The following PSMA8 variants were observed in gnomAD, a reference collection of about 807,000 sequenced individuals.
PSMA8 encodes proteasome subunit alpha-type 8.
A neutral mutation model predicts 32.4 loss-of-function variants in PSMA8; 18 were observed. That is an observed-to-expected ratio of 0.56 (90% CI 0.38 to 0.82). The LOEUF is 0.82. PSMA8 is among the 40% of genes least tolerant of loss of function. PSMA8 has a pLI of 0.00. For synonymous variants in PSMA8, 104 were observed against 98.1 expected (o/e 1.06, Z -0.36); for missense variants, 298 against 300.7 (o/e 0.99, Z 0.07).
At chr18:26,146,045 T>A (rs898240556) in intron 2 of PSMA8, among the ~76,000 whole-genome samples, 1 of 152,224 alleles carries the variant, frequency 6.6e-6, no homozygotes, top group Non-Finnish European at 1.5e-5. Flanking sequence ...TTTTATATTC[T>A]TATACATGTG....
intron 4 of PSMA8, among the ~76,000 whole-genome samples, chr18:26,169,375 A>T (rs1466603269): frequency 7.5e-6 from 1 of 133,566 alleles, no homozygotes; most frequent in South Asian, 2.1e-4. Context: ...GCTACTTATA[A>T]CTTTAAAATA....
At chr18:26,182,392 A>T (rs1040708509) in intron 6 of PSMA8, among the ~76,000 whole-genome samples, 4 of 152,204 alleles carry the variant, frequency 2.6e-5, no homozygotes, top group African/African-American at 9.7e-5. Context: ...GGGATAATGC[A>T]GCTGGTAACT....
intron 1 of PSMA8, among the ~76,000 whole-genome samples, 167 bp downstream of exon 1, chr18:26,134,234 G>C (rs1460213788): frequency 1.3e-5 from 2 of 152,086 alleles, no homozygotes; most frequent in Admixed American, 6.6e-5. Flanking sequence ...TTCTAGATTT[G>C]GGCCGGAAGT....
rs2055050986 is a variant in PSMA8 at position 26,152,088 on chromosome 18, A to G, written c.354+106A>G. ...ACTCCAACCATGTAGTCTATTAAAT[A>G]TATTAAATTTCTTATTTCTCACACT... On this transcript the variant is annotated intron_variant, in intron 3 of 6. Transcript: ENST00000415576. 4 of 735,384 alleles carry G rather than the reference A, an allele frequency of 5.4e-6. No individual in the cohort carries two copies. In the African/African-American group the frequency reaches 5.5e-5, roughly 10 times the overall value. 45.6% of individuals were successfully genotyped at this position (735,384 alleles called of 1,614,324 possible). A position where few individuals can be genotyped will look rare whatever the true frequency, so the allele number is the denominator to read the frequency against.
intron 2 of PSMA8, among the ~76,000 whole-genome samples, chr18:26,146,595 C>CT (rs1276913729): frequency 4.0e-5 from 6 of 148,262 alleles, no homozygotes; most frequent in African/African-American, 1.5e-4. Context: ...GAAACTTCAT[C>CT]TCAAAAAAAA....
intron 1 of PSMA8, chr18:26,140,079 G>T (rs1359984002): frequency 1.4e-6 from 1 of 702,926 alleles, no homozygotes; most frequent in Non-Finnish European, 2.6e-6. Context: ...GATTCTTGTG[G>T]CCTGGCATGG....
intron 1 of PSMA8, among the ~76,000 whole-genome samples, chr18:26,134,345 G>GTGTGTGTGTGTGTGTGTGTCTC: frequency 7.6e-6 from 1 of 130,978 alleles, no homozygotes; most frequent in African/African-American, 4.2e-5. Flanking sequence ...GTGTGGGTGT[G>GTGTGTGTGTGTGTGTGTGTCTC]TGTGTGTGTG....
chr18:26,171,020 A>C lies in PSMA8; in HGVS notation c.478-7810A>C. 16 of 1,556,572 alleles carry C rather than the reference A, an allele frequency of 1.0e-5. 1 individual carries two copies. Among genetic ancestry groups the C allele is most frequent in the Non-Finnish European group, 1.4e-5 (16 of 1,167,782 alleles). On this transcript the variant is annotated intron_variant, in intron 4 of 6. Coordinates refer to ENST00000415576, the MANE Select transcript of PSMA8 (RefSeq NM_001025096.2). ...AGGCATCATCTAGACTTCTGGAAAG[A>C]AAATGAGCTCCTTGTGGAGGTTCCT...
chr18:26,187,579 G>A (rs114899298), intron 6 of PSMA8, among the ~76,000 whole-genome samples: 5,265 of 151,872 alleles, frequency 0.035, 131 homozygotes, highest in African/African-American at 0.069. Context: ...GAAAAAAAGA[G>A]ATGGAAAAAG....
chr18:26,166,822 T>TA (rs1351526104), intron 4 of PSMA8, among the ~76,000 whole-genome samples: 1 of 152,210 alleles, frequency 6.6e-6, no homozygotes, highest in African/African-American at 2.4e-5. Flanking sequence ...TTGCCAGTGA[T>TA]AAAATTCAAG....
intron 4 of PSMA8, among the ~76,000 whole-genome samples, chr18:26,176,486 C>T (rs1379833319): frequency 6.6e-6 from 1 of 152,090 alleles, no homozygotes; most frequent in African/African-American, 2.4e-5. Flanking sequence ...TTATATTAAT[C>T]CTCTGAAATA....
At chr18:26,191,675 G>A (rs1025465030) in intron 6 of PSMA8, among the ~76,000 whole-genome samples, 40 of 151,678 alleles carry the variant, frequency 2.6e-4, no homozygotes, top group Non-Finnish European at 1.0e-4. Context: ...GCCTGGTCTC[G>A]AACCCCTGAC....
chr18:26,135,910 G>A lies in PSMA8; in HGVS notation c.102+1843G>A, dbSNP rs141749270. 2.2e-3 allele frequency among the ~76,000 whole-genome samples: 330 copies of A among 152,306 alleles called. 3 individuals carry two copies. Among genetic ancestry groups the A allele is most frequent in the Non-Finnish European group, 3.6e-3 (245 of 68,012 alleles). ...GAAATTATAATTTGCATGTTTGCATGGAGTTATTCATTGTGTTTCCTTGAG... is the reference window on the plus strand; with the variant it reads ...GAAATTATAATTTGCATGTTTGCATAGAGTTATTCATTGTGTTTCCTTGAG... On this transcript the variant is annotated intron_variant, in intron 1 of 6. Transcript: ENST00000415576.
At chr18:26,186,563 C>G (rs1456375972) in intron 6 of PSMA8, among the ~76,000 whole-genome samples, 1 of 152,040 alleles carries the variant, frequency 6.6e-6, no homozygotes, top group African/African-American at 2.4e-5. Context: ...CTTGGCAATT[C>G]CAGTTGTATC....
chr18:26,174,124 A>G (rs1361812591), intron 4 of PSMA8, among the ~76,000 whole-genome samples: 3 of 152,200 alleles, frequency 2.0e-5, no homozygotes, highest in African/African-American at 7.2e-5. Context: ...TACAGCAAAC[A>G]CTAATCCTAT....
rs969826173 is a variant in PSMA8 at position 26,168,203 on chromosome 18, G to A, written c.477+9959G>A. On this transcript the variant is annotated intron_variant, in intron 4 of 6. Transcript: ENST00000415576. ...AGAGCAATGACTTTTAACTCTTTTA[G>A]CAATGTCTTCTGTTTTTTTCCTCAC... 8.7e-4 allele frequency among the ~76,000 whole-genome samples: 107 copies of A among 123,416 alleles called. 7 individuals carry two copies. Among genetic ancestry groups the A allele is most frequent in the Admixed American group, 5.1e-3 (65 of 12,650 alleles). The allele number at this position is 123,416 out of a possible 152,430, so 81.0% of individuals were successfully genotyped here.
chr18:26,134,052 G>GAA lies in PSMA8; in HGVS notation c.89_90dup (p.Gly31LysfsTer13). 1 of 1,613,466 alleles carries GAA rather than the reference G, an allele frequency of 6.2e-7. No homozygotes were observed. The highest frequency in any genetic ancestry group is 8.5e-7 in the Non-Finnish European group (1 of 1,179,412). ...TTGAATATGCCCAGGAAGCGGTGAA[G>GAA]AAAGGATCCACCGCGGTGAGGAAGC... On this transcript the variant is annotated frameshift_variant, in exon 1 of 7. Transcript: ENST00000415576. LOFTEE classifies it high-confidence loss of function.
At chr18:26,151,737 A>G (rs1405823158) in intron 2 of PSMA8, 121 bp from the exon 3 acceptor site, 2 of 793,128 alleles carry the variant, frequency 2.5e-6, no homozygotes, top group Admixed American at 3.1e-5. Context: ...TAAAATGAGC[A>G]TGTATTGAGA....
chr18:26,152,445 C>T (rs906833500), intron 3 of PSMA8, among the ~76,000 whole-genome samples: 1 of 152,106 alleles, frequency 6.6e-6, no homozygotes, highest in Non-Finnish European at 1.5e-5. Context: ...CCACCTCAGC[C>T]TCCTGAGTAG....
Sources: gnomAD v4.1 joint callset for allele counts (sites outside exome capture counted in the v4.1 genomes callset) on GRCh38, gnomAD v4.1.1 for gene constraint, MANE v1.5 for transcripts, NCBI Gene and HGNC (gene_info 2026-07-23, HGNC 2026-07-21) for gene names.